Variants in ME1 observed in about 807,000 individuals in gnomAD.
ME1 encodes the protein NADP-dependent malic enzyme.
In ME1, 74 loss-of-function variants were observed where a neutral mutation model predicts 66.4. That is an observed-to-expected ratio of 1.11 (90% CI 0.92 to 1.35). The LOEUF (loss-of-function observed/expected upper bound fraction) is 1.35. Ranked by LOEUF, ME1 falls within the 40% of genes most tolerant of loss-of-function variation. The pLI is 0.00. For synonymous variants in ME1, 251 were observed against 235.6 expected (o/e 1.07, Z -0.60); for missense variants, 750 against 694.1 (o/e 1.08, Z -0.90).
chr6:83,362,062 A>G (rs1769016037), intron 3 of ME1, among the ~76,000 whole-genome samples: 1 of 152,196 alleles, frequency 6.6e-6, no homozygotes, highest in Non-Finnish European at 1.5e-5. Context: ...CCGAAAGTGG[A>G]CAGCTACAGC....
chr6:83,424,291 T>A (rs976808351), intron 1 of ME1, among the ~76,000 whole-genome samples: 1 of 152,076 alleles, frequency 6.6e-6, no homozygotes, highest in Non-Finnish European at 1.5e-5. Flanking sequence ...AAGTTGACTG[T>A]GAAAAGTTCG....
intron 1 of ME1, among the ~76,000 whole-genome samples, chr6:83,424,458 G>C (rs1278240231): frequency 2.6e-5 from 4 of 152,028 alleles, no homozygotes; most frequent in East Asian, 1.9e-4. Flanking sequence ...AAAAATAAGG[G>C]AACAGACACC....
At chr6:83,268,530 C>T (rs924141141) in intron 6 of ME1, among the ~76,000 whole-genome samples, 12 of 151,940 alleles carry the variant, frequency 7.9e-5, no homozygotes, top group African/African-American at 1.9e-4. Context: ...CAGTCCAGCA[C>T]GGGCCCCAGA....
chr6:83,365,763 C>T (rs981284466), intron 3 of ME1, among the ~76,000 whole-genome samples: 10 of 152,238 alleles, frequency 6.6e-5, no homozygotes, highest in African/African-American at 2.4e-4. Context: ...TTCATTTGCT[C>T]CAAAGATAAA....
At chr6:83,416,135 A>G (rs1770155226) in intron 1 of ME1, among the ~76,000 whole-genome samples, 2 of 152,166 alleles carry the variant, frequency 1.3e-5, no homozygotes, top group South Asian at 4.1e-4. Context: ...TGCCTCAATT[A>G]TTGCATCTGC....
At chr6:83,276,282 ATTTC>A (rs1767182226) in intron 6 of ME1, among the ~76,000 whole-genome samples, 1 of 152,182 alleles carries the variant, frequency 6.6e-6, no homozygotes, top group African/African-American at 2.4e-5. Flanking sequence ...GTAAAGGCTG[ATTTC>A]TTTGTTTCAA....
intron 2 of ME1, among the ~76,000 whole-genome samples, chr6:83,402,906 A>AT (rs1769864134): frequency 6.6e-6 from 1 of 152,226 alleles, no homozygotes; most frequent in Non-Finnish European, 1.5e-5. Flanking sequence ...TGTAATTGCC[A>AT]TAAGTATTTC....
At chr6:83,309,040 G>A (rs910408982) in intron 6 of ME1, among the ~76,000 whole-genome samples, 1 of 152,202 alleles carries the variant, frequency 6.6e-6, no homozygotes, top group South Asian at 2.1e-4. Flanking sequence ...ACAACAAAGT[G>A]GGCAAGGGGG....
intron 13 of ME1, among the ~76,000 whole-genome samples, chr6:83,214,377 C>T (rs73749756): frequency 0.016 from 2,364 of 152,280 alleles, 57 homozygotes; most frequent in African/African-American, 0.054. Flanking sequence ...TCTGAACCTC[C>T]TGTACATCTT....
At chr6:83,236,586 T>C (rs890098982) in intron 9 of ME1, among the ~76,000 whole-genome samples, 3 of 152,186 alleles carry the variant, frequency 2.0e-5, no homozygotes, top group African/African-American at 4.8e-5. Flanking sequence ...CTTATAACTA[T>C]ATAGCAATAT....
chr6:83,358,623 G>A (rs899065651), intron 3 of ME1, among the ~76,000 whole-genome samples: 1 of 152,188 alleles, frequency 6.6e-6, no homozygotes. Context: ...AAAAGAATGG[G>A]ACCATGCAAC....
intron 13 of ME1, among the ~76,000 whole-genome samples, chr6:83,212,664 C>G (rs1789915079): frequency 6.6e-6 from 1 of 152,156 alleles, no homozygotes; most frequent in Admixed American, 6.5e-5. Context: ...TGGCTTTCTC[C>G]TTTTGTGGCT....
chr6:83,365,814 C>T (rs1428447887), intron 3 of ME1, among the ~76,000 whole-genome samples: 1 of 152,174 alleles, frequency 6.6e-6, no homozygotes, highest in East Asian at 1.9e-4. Flanking sequence ...AAACTTCCTT[C>T]CATCTGTATC....
At chr6:83,383,646 C>T (rs1357686179) in intron 3 of ME1, among the ~76,000 whole-genome samples, 1 of 151,748 alleles carries the variant, frequency 6.6e-6, no homozygotes, top group African/African-American at 2.4e-5. Context: ...ACATTTTCAG[C>T]TTTTAAAATA....
chr6:83,367,685 G>C lies in ME1; in HGVS notation c.363-15546C>G, dbSNP rs114364655. On this transcript the variant is annotated intron_variant, in intron 3 of 13. Transcript: ENST00000369705. ...TTCCTGACTTCTCTCAGCCTTCCCAGAAATGAAGAGAGTTAGGGCTTGCTC... is the reference window on the plus strand; with the variant it reads ...TTCCTGACTTCTCTCAGCCTTCCCACAAATGAAGAGAGTTAGGGCTTGCTC... Among the ~76,000 whole-genome samples the C allele has an allele frequency of 6.6e-3, 1,001 of 152,256 alleles. 10 individuals are homozygous for C. Among genetic ancestry groups the C allele is most frequent in the African/African-American group, 0.023 (949 of 41,552 alleles).
chr6:83,287,980 T>C (rs973680081), intron 6 of ME1, among the ~76,000 whole-genome samples: 10 of 152,294 alleles, frequency 6.6e-5, no homozygotes, highest in African/African-American at 2.4e-4. Flanking sequence ...CCATATCCTT[T>C]GCCCATTTTT....
chr6:83,301,183 C>T (rs1429911506), intron 6 of ME1, among the ~76,000 whole-genome samples: 1 of 151,702 alleles, frequency 6.6e-6, no homozygotes, highest in Admixed American at 6.6e-5. Context: ...TACCCTAGAA[C>T]TTAAAGTATA....
chr6:83,404,271 T>G (rs1436814144), intron 2 of ME1, among the ~76,000 whole-genome samples: 1 of 152,222 alleles, frequency 6.6e-6, no homozygotes, highest in African/African-American at 2.4e-5. Flanking sequence ...GATGAGTTTT[T>G]TTTCATGATT....
chr6:83,297,141 G>C (rs1157395889), intron 6 of ME1, among the ~76,000 whole-genome samples: 3 of 151,866 alleles, frequency 2.0e-5, no homozygotes, highest in East Asian at 3.9e-4. Context: ...AAAAGTACCT[G>C]CACATAAAAA....
Sources: allele counts gnomAD v4.1 joint callset (sites outside exome capture counted in the v4.1 genomes callset), GRCh38; gene constraint gnomAD v4.1.1; transcripts MANE v1.5; gene names NCBI Gene and HGNC (gene_info 2026-07-23, HGNC 2026-07-21).